The following SP140 variants were observed in gnomAD, a reference collection of about 807,000 sequenced individuals.
SP140 encodes the protein SP140 nuclear body protein, also known as nuclear body protein SP140.
SP140 carries 81 observed loss-of-function variants against 125.0 expected under a neutral mutation model. That is an observed-to-expected ratio of 0.65 (90% CI 0.54 to 0.78). The LOEUF (loss-of-function observed/expected upper bound fraction) is 0.78, where lower values mean the gene tolerates loss of function less well. Ranked by LOEUF, SP140 falls within the 30% of genes least tolerant of loss-of-function variation. SP140 has a pLI of 0.00. For missense variants in SP140, 858 were observed against 1,037.0 expected (o/e 0.83, Z 2.37); for synonymous variants, 312 against 354.0 (o/e 0.88, Z 1.33).
At chr2:230,298,099 T>A (rs1416004913) in intron 22 of SP140, among the ~76,000 whole-genome samples, 2 of 152,170 alleles carry the variant, frequency 1.3e-5, no homozygotes, top group African/African-American at 2.4e-5. Flanking sequence ...CCTGAGGCAT[T>A]TTAACTCAAC....
intron 1 of SP140, among the ~76,000 whole-genome samples, chr2:230,210,897 C>A (rs767617576): frequency 6.6e-6 from 1 of 152,150 alleles, no homozygotes; most frequent in African/African-American, 2.4e-5. Flanking sequence ...ATAGAAATGA[C>A]CAGGGTTGAA....
At chr2:230,295,143 T>G (rs2057560732) in intron 21 of SP140, among the ~76,000 whole-genome samples, 1 of 152,212 alleles carries the variant, frequency 6.6e-6, no homozygotes, top group Non-Finnish European at 1.5e-5. Flanking sequence ...TGATGGTTTT[T>G]CCAAGACTGG....
intron 19 of SP140, among the ~76,000 whole-genome samples, chr2:230,291,564 T>G (rs2057117358): frequency 6.6e-6 from 1 of 152,254 alleles, no homozygotes; most frequent in Non-Finnish European, 1.5e-5. Flanking sequence ...TTGTGATATT[T>G]TCAAAGTTCA....
intron 15 of SP140, among the ~76,000 whole-genome samples, chr2:230,274,510 C>T (rs2054419448): frequency 2.0e-5 from 3 of 152,146 alleles, no homozygotes; most frequent in South Asian, 2.1e-4. Flanking sequence ...GAAAAGGCTC[C>T]TCTGTGGCCT....
At chr2:230,244,855 C>G in intron 5 of SP140, 133 bp from the exon 6 acceptor site, 3 of 588,076 alleles carry the variant, frequency 5.1e-6, no homozygotes, top group Non-Finnish European at 9.2e-6. Context: ...AAGGCTGTGG[C>G]GGGGCTCAGG....
the SP140 span, among the ~76,000 whole-genome samples, chr2:230,197,733 A>T: frequency 6.6e-6 from 1 of 152,078 alleles, no homozygotes; most frequent in Non-Finnish European, 1.5e-5. Flanking sequence ...AGGTGTAAGG[A>T]AGGGATCCAG....
the SP140 span, among the ~76,000 whole-genome samples, chr2:230,194,307 T>C: frequency 6.6e-6 from 1 of 151,554 alleles, no homozygotes; most frequent in African/African-American, 2.4e-5. Flanking sequence ...AGTAAAAGAA[T>C]AAAGAAAAAG....
At chr2:230,234,825 T>A (rs1221870191) in intron 1 of SP140, 1 of 152,230 alleles carries the variant, frequency 6.6e-6, no homozygotes, top group Non-Finnish European at 1.5e-5. Context: ...TCTCTTTCTG[T>A]GTGATAATAT....
chr2:230,204,905 A>G (rs2043597923), intron 1 of SP140, among the ~76,000 whole-genome samples: 1 of 152,214 alleles, frequency 6.6e-6, no homozygotes. Context: ...CAAGGATCAA[A>G]GGGGAGAGAA....
intron 15 of SP140, among the ~76,000 whole-genome samples, chr2:230,277,464 GA>G (rs2054892380): frequency 6.6e-6 from 1 of 152,128 alleles, no homozygotes. Context: ...TATGCACTGG[GA>G]AACCAAAACA....
chr2:230,206,703 C>T (rs1233144776), intron 1 of SP140, among the ~76,000 whole-genome samples: 2 of 144,238 alleles, frequency 1.4e-5, no homozygotes, highest in African/African-American at 5.1e-5. Context: ...CCTGATTTCT[C>T]AGTGTTCCTG....
intron 17 of SP140, among the ~76,000 whole-genome samples, chr2:230,287,085 A>G (rs923316560): frequency 2.0e-5 from 3 of 152,288 alleles, no homozygotes; most frequent in South Asian, 2.1e-4. Context: ...ATTCACAGCC[A>G]ATTAACATGC....
At chr2:230,205,494 T>C (rs533049859) in intron 1 of SP140, among the ~76,000 whole-genome samples, 1 of 152,322 alleles carries the variant, frequency 6.6e-6, no homozygotes, top group South Asian at 2.1e-4. Flanking sequence ...GAAATTATCT[T>C]GTTTATGTGC....
At chr2:230,194,222 G>A in the SP140 span, among the ~76,000 whole-genome samples, 12 of 152,114 alleles carry the variant, frequency 7.9e-5, no homozygotes, top group African/African-American at 2.9e-4. Context: ...TTCCCAGGCT[G>A]GCTCCCATAA....
At chr2:230,275,228 C>T (rs563924923) in intron 15 of SP140, among the ~76,000 whole-genome samples, 19 of 152,156 alleles carry the variant, frequency 1.2e-4, no homozygotes, top group Admixed American at 2.6e-4. Flanking sequence ...AGGCACATCT[C>T]GTTTGATTGC....
intron 11 of SP140, 60 bp downstream of exon 11, chr2:230,253,477 G>GA: frequency 1.6e-6 from 2 of 1,273,906 alleles, no homozygotes; most frequent in South Asian, 1.2e-5. Flanking sequence ...GTTGGCATGG[G>GA]AAAAAAGCTT....
intron 3 of SP140, chr2:230,216,992 T>A: frequency 6.7e-7 from 1 of 1,483,312 alleles, no homozygotes; most frequent in Non-Finnish European, 9.2e-7. Flanking sequence ...ATGCCTGTAA[T>A]CCCGGCACTT....
chr2:230,290,684 A>G, intron 19 of SP140, 120 bp downstream of exon 19: 1 of 820,012 alleles, frequency 1.2e-6, no homozygotes, highest in East Asian at 2.7e-5. Flanking sequence ...GCTTGAGGGA[A>G]GGAGGAAGGG....
chr2:230,294,927 A>G (rs1343256131), intron 21 of SP140, among the ~76,000 whole-genome samples: 1 of 152,226 alleles, frequency 6.6e-6, no homozygotes, highest in Non-Finnish European at 1.5e-5. Flanking sequence ...TGTTACCACA[A>G]TGGTGCCACT....
Sources: allele counts gnomAD v4.1 joint callset (sites outside exome capture counted in the v4.1 genomes callset), GRCh38; gene constraint gnomAD v4.1.1; transcripts MANE v1.5; gene names NCBI Gene and HGNC (gene_info 2026-07-23, HGNC 2026-07-21).